The following PDE8B variants were observed in gnomAD, a reference collection of about 807,000 sequenced individuals.
PDE8B encodes the protein phosphodiesterase 8B, also known as high affinity cAMP-specific and IBMX-insensitive 3',5'-cyclic phosphodiesterase 8B.
PDE8B carries 26 observed loss-of-function variants against 101.3 expected under a neutral mutation model. The observed-to-expected ratio is 0.26, with a 90% CI of 0.19 to 0.36. The LOEUF (loss-of-function observed/expected upper bound fraction) is 0.36, where lower values mean the gene tolerates loss of function less well. Ranked by LOEUF, PDE8B falls within the 10% of genes least tolerant of loss-of-function variation. The probability of loss-of-function intolerance (pLI) is 1.00; values close to 1 mark genes in which losing one functional copy is unlikely to be tolerated. For missense variants in PDE8B, 810 were observed against 1,163.1 expected, an observed-to-expected ratio of 0.70 and a Z score of 4.42; for synonymous variants, 424 against 429.3, an observed-to-expected ratio of 0.99 and a Z score of 0.15.
intron 1 of PDE8B, among the ~76,000 whole-genome samples, chr5:77,215,274 A>T (rs906536918): frequency 9.2e-5 from 14 of 152,216 alleles, no homozygotes; most frequent in African/African-American, 3.4e-4. Flanking sequence ...ATACAGGCAC[A>T]TATTCTCTTC....
chr5:77,404,935 G>T (rs1383512199), intron 12 of PDE8B, 138 bp downstream of exon 12: 9 of 640,470 alleles, frequency 1.4e-5, no homozygotes, highest in Non-Finnish European at 2.5e-5. Context: ...TAAGCTCAAA[G>T]GTTTTAGGGG....
At chr5:77,244,148 G>C (rs939016672) in intron 1 of PDE8B, among the ~76,000 whole-genome samples, 6 of 152,102 alleles carry the variant, frequency 3.9e-5, no homozygotes, top group Admixed American at 1.3e-4. Flanking sequence ...ACCCAGGCTT[G>C]AAGATCGTAG....
chr5:77,218,377 G>T (rs1750276639), intron 1 of PDE8B, among the ~76,000 whole-genome samples: 1 of 152,196 alleles, frequency 6.6e-6, no homozygotes, highest in African/African-American at 2.4e-5. Flanking sequence ...AGGAAAATGG[G>T]GCTGCAAGAG....
At chr5:77,096,804 C>A in the PDE8B span, among the ~76,000 whole-genome samples, 2 of 152,176 alleles carry the variant, frequency 1.3e-5, no homozygotes, top group Admixed American at 1.3e-4. Flanking sequence ...GTCCAAATTT[C>A]CCCCTTCTTA....
chr5:77,291,678 G>A, intron 1 of PDE8B: 1 of 1,596,044 alleles, frequency 6.3e-7, no homozygotes, highest in South Asian at 1.1e-5. Flanking sequence ...CTTTGGAGGA[G>A]AAAAGCACAC....
intron 10 of PDE8B, among the ~76,000 whole-genome samples, chr5:77,385,480 A>G (rs1011209924): frequency 4.0e-5 from 6 of 149,744 alleles, no homozygotes; most frequent in Admixed American, 2.7e-4. Flanking sequence ...ATCTTCTTCA[A>G]TTCTGCTCTG....
At chr5:77,295,715 T>A (rs1185592948) in intron 1 of PDE8B, among the ~76,000 whole-genome samples, 1 of 152,184 alleles carries the variant, frequency 6.6e-6, no homozygotes, top group African/African-American at 2.4e-5. Context: ...TTCAACCTTA[T>A]TTAATAAGGA....
chr5:77,259,365 C>T (rs1322353823), intron 1 of PDE8B, among the ~76,000 whole-genome samples: 3 of 152,146 alleles, frequency 2.0e-5, no homozygotes, highest in African/African-American at 7.2e-5. Flanking sequence ...CTCTCGCTAT[C>T]TTCTTGCCCT....
chr5:77,311,930 G>A, intron 1 of PDE8B, 64 bp from the exon 2 acceptor site: 2 of 1,272,942 alleles, frequency 1.6e-6, no homozygotes, highest in Non-Finnish European at 2.3e-6. Context: ...CGTTGCGTAA[G>A]GAAGGATGTA....
intron 14 of PDE8B, chr5:77,410,345 ATGAGGGTGGT>A (rs1182770167): frequency 6.6e-6 from 1 of 152,244 alleles, no homozygotes; most frequent in Non-Finnish European, 1.5e-5. Context: ...TATTTCTAGA[ATGAGGGTGGT>A]AACTTCTGGG....
At chr5:77,304,808 G>A (rs1418836042) in intron 1 of PDE8B, among the ~76,000 whole-genome samples, 2 of 152,278 alleles carry the variant, frequency 1.3e-5, no homozygotes, top group South Asian at 4.1e-4. Flanking sequence ...ATTGTTTGGG[G>A]GGGATAATTC....
intron 1 of PDE8B, among the ~76,000 whole-genome samples, chr5:77,217,614 C>T (rs550363788): frequency 4.1e-4 from 62 of 151,814 alleles, no homozygotes; most frequent in Non-Finnish European, 7.9e-4. Flanking sequence ...CAGCTAACTG[C>T]AACCTCCGCC....
At chr5:77,145,116 A>G in the PDE8B span, 1 of 151,962 alleles carries the variant, frequency 6.6e-6, no homozygotes, top group East Asian at 1.9e-4. Flanking sequence ...ATATACTTCT[A>G]AAATCACAAA....
intron 2 of PDE8B, among the ~76,000 whole-genome samples, chr5:77,315,033 A>C (rs1773503979): frequency 6.6e-6 from 1 of 152,008 alleles, no homozygotes; most frequent in Admixed American, 6.6e-5. Flanking sequence ...TAATTTTTAA[A>C]AGTTATTGAG....
At chr5:77,372,219 C>A (rs1785196198) in intron 10 of PDE8B, among the ~76,000 whole-genome samples, 1 of 152,042 alleles carries the variant, frequency 6.6e-6, no homozygotes, top group Non-Finnish European at 1.5e-5. Context: ...ACAACAACAA[C>A]AACAACAACA....
At chr5:77,189,633 G>A in the PDE8B span, among the ~76,000 whole-genome samples, 4 of 152,274 alleles carry the variant, frequency 2.6e-5, no homozygotes, top group South Asian at 4.1e-4. Context: ...GGAGCATGTC[G>A]GCATGCCCAT....
At chr5:77,290,215 A>T (rs1766966741) in intron 1 of PDE8B, 1 of 1,541,794 alleles carries the variant, frequency 6.5e-7, no homozygotes, top group African/African-American at 1.4e-5. Context: ...CTGTGTGTGC[A>T]CGCTGCAAAG....
chr5:77,355,335 TA>T (rs1337121286), intron 10 of PDE8B, among the ~76,000 whole-genome samples: 2 of 152,244 alleles, frequency 1.3e-5, no homozygotes, highest in Non-Finnish European at 2.9e-5. Context: ...TTAGATTTTC[TA>T]ATAACAAAGC....
chr5:77,093,720 T>A, the PDE8B span, among the ~76,000 whole-genome samples: 4 of 152,174 alleles, frequency 2.6e-5, no homozygotes, highest in African/African-American at 9.7e-5. Context: ...AGGAAACAGA[T>A]GCATAAACTT....
Sources: allele counts gnomAD v4.1 joint callset (sites outside exome capture counted in the v4.1 genomes callset), GRCh38; gene constraint gnomAD v4.1.1; transcripts MANE v1.5; gene names NCBI Gene and HGNC (gene_info 2026-07-23, HGNC 2026-07-21).